The following USP17L7 variants were observed in gnomAD, a reference collection of about 807,000 sequenced individuals.
USP17L7 encodes the protein inactive ubiquitin carboxyl-terminal hydrolase 17-like protein 7.
Under a neutral mutation model 37.6 loss-of-function variants are expected in USP17L7, and 53 were observed. The observed-to-expected ratio is 1.41, with a 90% CI of 1.13 to 1.77. The LOEUF (loss-of-function observed/expected upper bound fraction) is 1.77, where lower values mean the gene tolerates loss of function less well. Among genes scored for constraint, USP17L7 ranks in the 40% most tolerant of loss-of-function variants. The pLI, the probability that USP17L7 is intolerant of heterozygous loss-of-function variation, is 0.00. For synonymous variants in USP17L7, 330 were observed against 251.0 expected, an observed-to-expected ratio of 1.31 and a Z score of -2.98; for missense variants, 914 against 645.0, an observed-to-expected ratio of 1.42 and a Z score of -4.52.
chr8:12,133,749 A>G lies in USP17L7; in HGVS notation c.261T>C (p.Asn87=), dbSNP rs1248920265. ...AVGAGLQKIG[N]TFYVNVSLQC... is the part of the protein sequence containing the mutation. Reference sequence around the variant, plus strand: ...GCAGGGAAACGTTCACATAGAAGGTATTTCCTATCTTCTGGAGCCCAGCCC... The same window carrying G: ...GCAGGGAAACGTTCACATAGAAGGTGTTTCCTATCTTCTGGAGCCCAGCCC... The change falls in exon 1 of 1, where the codon AAT becomes AAC. Residue 87 remains asparagine, a synonymous_variant. Coordinates refer to ENST00000530447, the MANE Select transcript of USP17L7 (RefSeq NM_001256869.2). 7.0e-6 allele frequency: 10 copies of G among 1,428,098 alleles called. 1 individual carries two copies. Among genetic ancestry groups the G allele is most frequent in the Admixed American group, 1.7e-5 (1 of 57,146 alleles). The allele number at this position is 1,428,098 out of a possible 1,614,324, so 88.5% of individuals were successfully genotyped here. A position where few individuals can be genotyped will look rare whatever the true frequency, so the allele number is the denominator to read the frequency against.
Position 12,132,846 on chromosome 8 carries a change from G to T in USP17L7, c.1164C>A (p.Gly388=). ...WERHSESVSR[G]REPRALGAED... is the part of the protein sequence containing the mutation. ...CAGCACCAAGGGCTCTTGGTTCCCT[G>T]CCTCTTGACACACTCTCACTGTGTC... The change falls in exon 1 of 1, where the codon GGC becomes GGA. Residue 388 remains glycine, a synonymous_variant. Transcript: ENST00000530447. 1 of 1,506,888 alleles carries T rather than the reference G, an allele frequency of 6.6e-7. No homozygotes were observed. Among genetic ancestry groups the T allele is most frequent in the Non-Finnish European group, 9.0e-7 (1 of 1,105,178 alleles). The allele number at this position is 1,506,888 out of a possible 1,614,324, so 93.3% of individuals were successfully genotyped here. A position where few individuals can be genotyped will look rare whatever the true frequency, so the allele number is the denominator to read the frequency against.
chr8:12,133,931 C>T lies in USP17L7; in HGVS notation c.79G>A (p.Ala27Thr), dbSNP rs1803072324. ...GTCCGCTGGATTTCAGCAAAAGCTGCATCTAGCCGAGAAGATGTGAGTTTT... is the reference window on the plus strand; with the variant it reads ...GTCCGCTGGATTTCAGCAAAAGCTGTATCTAGCCGAGAAGATGTGAGTTTT... Reference protein sequence around the residue: ...FSKLTSSRLDAAFAEIQRTSL... With the variant: ...FSKLTSSRLDTAFAEIQRTSL... The change falls in exon 1 of 1, where the codon GCA (alanine) becomes ACA (threonine). Residue 27 changes from alanine (A) to threonine (T), a missense_variant. Coordinates refer to ENST00000530447, the MANE Select transcript of USP17L7 (RefSeq NM_001256869.2). The T allele has an allele frequency of 7.1e-7, 1 of 1,409,736 alleles. No homozygotes were observed. The highest frequency in any genetic ancestry group is 9.8e-7 in the Non-Finnish European group (1 of 1,020,716). The allele number at this position is 1,409,736 out of a possible 1,614,324, so 87.3% of individuals were successfully genotyped here. A position where few individuals can be genotyped will look rare whatever the true frequency, so the allele number is the denominator to read the frequency against.
rs781576213 is a variant in USP17L7, at chr8:12,133,992, G to A, written c.18C>T (p.Leu6=). The change falls in exon 1 of 1, where the codon CTC becomes CTT. Residue 6 remains leucine (L), a synonymous_variant. Coordinates refer to ENST00000530447, the MANE Select transcript of USP17L7 (RefSeq NM_001256869.2). ...TGAACTGCCAGTCACCTCCCAAATAGAGTGAGTCGTCTTCCATGTCGCCCG... is the reference window on the plus strand; with the variant it reads ...TGAACTGCCAGTCACCTCCCAAATAAAGTGAGTCGTCTTCCATGTCGCCCG... MEDDS[L]YLGGDWQFNH... 1.8e-6 allele frequency: 2 copies of A among 1,083,430 alleles called. No homozygotes were observed. Among genetic ancestry groups the A allele is most frequent in the Admixed American group, 3.5e-5 (2 of 56,720 alleles). 67.1% of individuals were successfully genotyped at this position (1,083,430 alleles called of 1,614,324 possible). A position where few individuals can be genotyped will look rare whatever the true frequency, so the allele number is the denominator to read the frequency against.
In USP17L7 at chr8:12,133,184, G is replaced by C; in HGVS notation, c.826C>G (p.Leu276Val). 1.3e-6 allele frequency: 2 copies of C among 1,511,188 alleles called. No individual in the cohort carries two copies. Among genetic ancestry groups the C allele is most frequent in the Admixed American group, 1.7e-5 (1 of 57,358 alleles). 93.6% of individuals were successfully genotyped at this position (1,511,188 alleles called of 1,614,324 possible). A position where few individuals can be genotyped will look rare whatever the true frequency, so the allele number is the denominator to read the frequency against. ...TLTLPTSAKV[L>V]ILVLKRFSDV... ...GAGAATCTCTTCAATACAAGAATGA[G>C]GACCTTGGCAGAAGTGGGTAAAGTT... is the stretch of plus-strand genomic sequence containing the variant. The change falls in exon 1 of 1, where the codon CTC (leucine) becomes GTC (valine). Residue 276 changes from leucine to valine, a missense_variant. Physicochemically the swap from Leu to Val is conservative, Grantham distance 32. Transcript: ENST00000530447.
In USP17L7 at chr8:12,133,745, A is replaced by G; in HGVS notation, c.265T>C (p.Phe89Leu). The change falls in exon 1 of 1, where the codon TTC (phenylalanine) becomes CTC (leucine). Residue 89 changes from phenylalanine to leucine, a missense_variant. Coordinates refer to ENST00000530447, the MANE Select transcript of USP17L7 (RefSeq NM_001256869.2). ...GAGLQKIGNT[F>L]YVNVSLQCLT... is the part of the protein sequence containing the mutation. ...CACTGCAGGGAAACGTTCACATAGAAGGTATTTCCTATCTTCTGGAGCCCA... is the reference window on the plus strand; with the variant it reads ...CACTGCAGGGAAACGTTCACATAGAGGGTATTTCCTATCTTCTGGAGCCCA... The G allele has an allele frequency of 7.1e-7, 1 of 1,409,018 alleles. No homozygotes were observed. The highest frequency in any genetic ancestry group is 9.8e-7 in the Non-Finnish European group (1 of 1,018,638). 87.3% of individuals were successfully genotyped at this position (1,409,018 alleles called of 1,614,324 possible). A position where few individuals can be genotyped will look rare whatever the true frequency, so the allele number is the denominator to read the frequency against.
In USP17L7 at chr8:12,133,000, G is replaced by A. The variant is rs762959003; in HGVS notation, c.1010C>T (p.Ser337Phe). The A allele has an allele frequency of 5.2e-6, 8 of 1,528,434 alleles. 1 individual carries two copies. The highest frequency in any genetic ancestry group is 2.0e-4 in the Middle Eastern group (1 of 4,994). 94.7% of individuals were successfully genotyped at this position (1,528,434 alleles called of 1,614,324 possible). A position where few individuals can be genotyped will look rare whatever the true frequency, so the allele number is the denominator to read the frequency against. Residue 337 changes from serine (S) to phenylalanine (F), a missense_variant, in exon 1 of 1, where the codon TCT (serine) becomes TTT (phenylalanine). Physicochemically the swap from Ser to Phe is radical, Grantham distance 155. Coordinates refer to ENST00000530447, the MANE Select transcript of USP17L7 (RefSeq NM_001256869.2). ...CTGGCCTTCTTGAGCTTTGACATAA[G>A]AGAAGTAATGTCCGTTGTGACAACT... Reference protein sequence around the residue: ...GWSCHNGHYFSYVKAQEGQWY... With the variant: ...GWSCHNGHYFFYVKAQEGQWY...
chr8:12,133,471 T>C lies in USP17L7; in HGVS notation c.539A>G (p.His180Arg). 6.8e-7 allele frequency: 1 copy of C among 1,476,276 alleles called. No homozygotes were observed. Among genetic ancestry groups the C allele is most frequent in the Non-Finnish European group, 9.2e-7 (1 of 1,083,492 alleles). The allele number at this position is 1,476,276 out of a possible 1,614,324, so 91.4% of individuals were successfully genotyped here. Residue 180 changes from histidine to arginine, a missense_variant, in exon 1 of 1, where the codon CAC (histidine) becomes CGC (arginine). By Grantham distance (29) the His-to-Arg change is conservative (BLOSUM62 0). Coordinates refer to ENST00000530447, the MANE Select transcript of USP17L7 (RefSeq NM_001256869.2). Reference protein sequence around the residue: ...DAMKKACLPGHKQLDHHSKDT... With the variant: ...DAMKKACLPGRKQLDHHSKDT... The stretch of plus-strand genomic sequence containing the variant: ...CTTGGAGTGATGATCTAGCTGCTTG[T>C]GCCCGGGAAGGCATGCCTTTTTCAT...
chr8:12,133,517 G>GA lies in USP17L7; in HGVS notation c.492dup (p.Leu165SerfsTer54). The GA allele has an allele frequency of 6.8e-7, 1 of 1,472,054 alleles. No individual in the cohort carries two copies. The highest frequency in any genetic ancestry group is 9.3e-7 in the Non-Finnish European group (1 of 1,077,432). 91.2% of individuals were successfully genotyped at this position (1,472,054 alleles called of 1,614,324 possible). A position where few individuals can be genotyped will look rare whatever the true frequency, so the allele number is the denominator to read the frequency against. ...TTCATGGCATCCACAGTAAACATGA[G>GA]AAATTCATGGGCATCCTCCTGCTCA... is the stretch of plus-strand genomic sequence containing the variant. On this transcript the variant is annotated frameshift_variant, in exon 1 of 1. Transcript: ENST00000530447. LOFTEE classifies it high-confidence loss of function.
Position 12,133,321 on chromosome 8 carries a change from G to A in USP17L7, c.689C>T (p.Ala230Val), listed in dbSNP as rs764988083. Residue 230 changes from alanine to valine, a missense_variant, in exon 1 of 1, where the codon GCT (alanine) becomes GTT (valine). By Grantham distance (64) the Ala-to-Val change is moderately conservative. Transcript: ENST00000530447. ...TTCCAAAGCTTGCTTGACACTCTGA[G>A]CTGCCTGGATATCCAGGGCGATGTC... ...YLDIALDIQAAQSVKQALEQL... is the reference protein window; with the variant it reads ...YLDIALDIQAVQSVKQALEQL... 3.6e-5 allele frequency: 55 copies of A among 1,511,180 alleles called. 3 individuals are homozygous for A. The highest frequency in any genetic ancestry group is 1.4e-4 in the Admixed American group (8 of 57,302). 93.6% of individuals were successfully genotyped at this position (1,511,180 alleles called of 1,614,324 possible).
rs746450006 is a variant in USP17L7, at chr8:12,133,786, G to C, written c.224C>G (p.Pro75Arg). 1 of 1,503,768 alleles carries C rather than the reference G, an allele frequency of 6.6e-7. No individual in the cohort carries two copies. The highest frequency in any genetic ancestry group is 9.1e-7 in the Non-Finnish European group (1 of 1,104,288). 93.2% of individuals were successfully genotyped at this position (1,503,768 alleles called of 1,614,324 possible). A position where few individuals can be genotyped will look rare whatever the true frequency, so the allele number is the denominator to read the frequency against. Reference protein sequence around the residue: ...REKLPLSSRRPAAVGAGLQKI... With the variant: ...REKLPLSSRRRAAVGAGLQKI... ...CTGGAGCCCAGCCCCCACCGCAGCA[G>C]GTCTCCTGCTACTCAGAGGAAGCTT... Residue 75 changes from proline to arginine, a missense_variant, in exon 1 of 1, where the codon CCT becomes CGT. Pro to Arg is a moderately radical substitution (Grantham distance 103). Coordinates refer to ENST00000530447, the MANE Select transcript of USP17L7 (RefSeq NM_001256869.2).
At position 12,132,957 on chromosome 8, in the gene USP17L7, A is replaced by T; in HGVS notation, c.1053T>A (p.Asp351Glu). Residue 351 changes from aspartate (D) to glutamate (E), a missense_variant, in exon 1 of 1, where the codon GAT (aspartate) becomes GAA (glutamate). Asp to Glu is a conservative substitution (Grantham distance 45). Transcript: ENST00000530447. Reference protein sequence around the residue: ...AQEGQWYKMDDAEVTASGITS... With the variant: ...AQEGQWYKMDEAEVTASGITS... ...TGATGCCAGAGGCAGTGACCTCGGC[A>T]TCATCCATTTTATACCACTGGCCTT... 1.3e-6 allele frequency: 2 copies of T among 1,531,138 alleles called. No individual in the cohort carries two copies. Among genetic ancestry groups the T allele is most frequent in the Non-Finnish European group, 1.8e-6 (2 of 1,126,570 alleles). The allele number at this position is 1,531,138 out of a possible 1,614,324, so 94.8% of individuals were successfully genotyped here. A position where few individuals can be genotyped will look rare whatever the true frequency, so the allele number is the denominator to read the frequency against.
chr8:12,133,739 C>T lies in USP17L7; in HGVS notation c.271G>A (p.Val91Met). ...GLQKIGNTFY[V>M]NVSLQCLTYT... ...GTCAGGCACTGCAGGGAAACGTTCA[C>T]ATAGAAGGTATTTCCTATCTTCTGG... The change falls in exon 1 of 1, where the codon GTG becomes ATG. Residue 91 changes from valine (V) to methionine (M), a missense_variant. Physicochemically the swap from Val to Met is conservative, Grantham distance 21 (BLOSUM62 1). Coordinates refer to ENST00000530447, the MANE Select transcript of USP17L7 (RefSeq NM_001256869.2). The T allele has an allele frequency of 7.2e-7, 1 of 1,389,858 alleles. No homozygotes were observed. The highest frequency in any genetic ancestry group is 1.8e-5 in the Admixed American group (1 of 57,092). The allele number at this position is 1,389,858 out of a possible 1,614,324, so 86.1% of individuals were successfully genotyped here.
In USP17L7 at chr8:12,133,327, T is replaced by G. The variant is rs1803018378; in HGVS notation, c.683A>C (p.Gln228Pro). The change falls in exon 1 of 1, where the codon CAG becomes CCG. Residue 228 changes from glutamine (Q) to proline (P), a missense_variant. By Grantham distance (76) the Gln-to-Pro change is moderately conservative. Coordinates refer to ENST00000530447, the MANE Select transcript of USP17L7 (RefSeq NM_001256869.2). Reference protein sequence around the residue: ...DPYLDIALDIQAAQSVKQALE... With the variant: ...DPYLDIALDIPAAQSVKQALE... ...AGCTTGCTTGACACTCTGAGCTGCCTGGATATCCAGGGCGATGTCCAGGTA... is the reference window on the plus strand; with the variant it reads ...AGCTTGCTTGACACTCTGAGCTGCCGGGATATCCAGGGCGATGTCCAGGTA... The G allele has an allele frequency of 2.6e-6, 4 of 1,509,892 alleles. No individual in the cohort carries two copies. The highest frequency in any genetic ancestry group is 3.6e-6 in the Non-Finnish European group (4 of 1,115,336). The allele number at this position is 1,509,892 out of a possible 1,614,324, so 93.5% of individuals were successfully genotyped here.
rs774294816 is a variant in USP17L7, at chr8:12,133,972, T to A, written c.38A>T (p.Gln13Leu). The A allele has an allele frequency of 8.5e-7, 1 of 1,183,284 alleles. No homozygotes were observed. Among genetic ancestry groups the A allele is most frequent in the South Asian group, 1.4e-5 (1 of 73,186 alleles). 73.3% of individuals were successfully genotyped at this position (1,183,284 alleles called of 1,614,324 possible). A position where few individuals can be genotyped will look rare whatever the true frequency, so the allele number is the denominator to read the frequency against. Residue 13 changes from glutamine (Q) to leucine (L), a missense_variant, in exon 1 of 1, where the codon CAG (glutamine) becomes CTG (leucine). By Grantham distance (113) the Gln-to-Leu change is moderately radical (BLOSUM62 -2). Coordinates refer to ENST00000530447, the MANE Select transcript of USP17L7 (RefSeq NM_001256869.2). ...TGTGAGTTTTGAAAAGTGATTGAAC[T>A]GCCAGTCACCTCCCAAATAGAGTGA... is the stretch of plus-strand genomic sequence containing the variant. ...DDSLYLGGDW[Q>L]FNHFSKLTSS...
rs1466868820 is a variant in USP17L7, at chr8:12,134,068, G to T, written c.-59C>A. The T allele has an allele frequency of 4.8e-6, 4 of 824,958 alleles. No homozygotes were observed. In the African/African-American group the frequency reaches 5.0e-5, roughly 10 times the overall value. 51.1% of individuals were successfully genotyped at this position (824,958 alleles called of 1,614,324 possible). On this transcript the variant is annotated 5_prime_UTR_variant, in exon 1 of 1. Coordinates refer to ENST00000530447, the MANE Select transcript of USP17L7 (RefSeq NM_001256869.2). ...CTGGGACCGCAGGTTGCAGCAAGACGCTATCTCTTCCGAGAGAGTCTTCAA... is the reference window on the plus strand; with the variant it reads ...CTGGGACCGCAGGTTGCAGCAAGACTCTATCTCTTCCGAGAGAGTCTTCAA...
Position 12,133,346 on chromosome 8 carries a change from C to T in USP17L7, c.664G>A (p.Asp222Asn), listed in dbSNP as rs772236941. 6.7e-7 allele frequency: 1 copy of T among 1,494,880 alleles called. No homozygotes were observed. The highest frequency in any genetic ancestry group is 9.1e-7 in the Non-Finnish European group (1 of 1,102,396). The allele number at this position is 1,494,880 out of a possible 1,614,324, so 92.6% of individuals were successfully genotyped here. A position where few individuals can be genotyped will look rare whatever the true frequency, so the allele number is the denominator to read the frequency against. The change falls in exon 1 of 1, where the codon GAC becomes AAC. Residue 222 changes from aspartate to asparagine, a missense_variant. Coordinates refer to ENST00000530447, the MANE Select transcript of USP17L7 (RefSeq NM_001256869.2). ...GVSDTFDPYL[D>N]IALDIQAAQS... ...GCTGCCTGGATATCCAGGGCGATGTCCAGGTAAGGGTCAAAGGTGTCTGAA... is the reference window on the plus strand; with the variant it reads ...GCTGCCTGGATATCCAGGGCGATGTTCAGGTAAGGGTCAAAGGTGTCTGAA...
Position 12,132,930 on chromosome 8 carries a change from G to A in USP17L7, c.1080C>T (p.Thr360=), listed in dbSNP as rs779311443. 2.1e-5 allele frequency: 32 copies of A among 1,526,166 alleles called. 3 individuals are homozygous for A. Among genetic ancestry groups the A allele is most frequent in the Middle Eastern group, 1.8e-4 (1 of 5,426 alleles). 94.5% of individuals were successfully genotyped at this position (1,526,166 alleles called of 1,614,324 possible). Residue 360 remains threonine, a synonymous_variant, in exon 1 of 1, where the codon ACC becomes ACT. Coordinates refer to ENST00000530447, the MANE Select transcript of USP17L7 (RefSeq NM_001256869.2). The stretch of plus-strand genomic sequence containing the variant: ...CATAGGCCTGTTGACTCAGGACAGA[G>A]GTGATGCCAGAGGCAGTGACCTCGG... ...DDAEVTASGI[T]SVLSQQAYVL... is the part of the protein sequence containing the mutation.
chr8:12,133,709 T>G lies in USP17L7; in HGVS notation c.301A>C (p.Thr101Pro). 7.7e-7 allele frequency: 1 copy of G among 1,301,018 alleles called. No individual in the cohort carries two copies. The highest frequency in any genetic ancestry group is 1.5e-5 in the African/African-American group (1 of 67,936). 80.6% of individuals were successfully genotyped at this position (1,301,018 alleles called of 1,614,324 possible). The change falls in exon 1 of 1, where the codon ACA becomes CCA. Residue 101 changes from threonine (T) to proline (P), a missense_variant. By Grantham distance (38) the Thr-to-Pro change is conservative. Transcript: ENST00000530447. ...AGCATGTAGTTGGAAAGCGGCAGTGTGTATGTCAGGCACTGCAGGGAAACG... is the reference window on the plus strand; with the variant it reads ...AGCATGTAGTTGGAAAGCGGCAGTGGGTATGTCAGGCACTGCAGGGAAACG... ...VNVSLQCLTYTLPLSNYMLSR... is the reference protein window; with the variant it reads ...VNVSLQCLTYPLPLSNYMLSR...
rs1181745448 is a variant in USP17L7 at position 12,134,034 on chromosome 8, G to T, written c.-25C>A. 5.4e-6 allele frequency: 5 copies of T among 930,558 alleles called. 1 individual carries two copies. The highest frequency in any genetic ancestry group is 1.8e-5 in the Admixed American group (1 of 56,632). The allele number at this position is 930,558 out of a possible 1,614,324, so 57.6% of individuals were successfully genotyped here. On this transcript the variant is annotated 5_prime_UTR_variant, in exon 1 of 1. Coordinates refer to ENST00000530447, the MANE Select transcript of USP17L7 (RefSeq NM_001256869.2). ...TGTCGCCCGCAACAAGGATCACAAG[G>T]TTTTTCTGCTGGGACCGCAGGTTGC...
Sources: gnomAD v4.1 joint callset for allele counts on GRCh38, gnomAD v4.1.1 for gene constraint, MANE v1.5 for transcripts, NCBI Gene and HGNC (gene_info 2026-07-23, HGNC 2026-07-21) for gene names.